FBXO8: variants seen among roughly 807,000 people sequenced by gnomAD.
FBXO8 encodes F-box only protein 8.
Under a neutral mutation model 33.4 loss-of-function variants are expected in FBXO8, and 15 were observed. The observed-to-expected ratio is 0.45, with a 90% confidence interval of 0.30 to 0.69. The LOEUF is 0.69. FBXO8 is among the 30% of genes least tolerant of loss of function. The pLI, the probability that FBXO8 is intolerant of heterozygous loss-of-function variation, is 0.08. For synonymous variants in FBXO8, 132 were observed against 131.5 expected, an observed-to-expected ratio of 1.00 and a Z score of -0.02; for missense variants, 274 against 380.3, an observed-to-expected ratio of 0.72 and a Z score of 2.32.
rs763984698 is a variant in FBXO8 at position 174,237,575 on chromosome 4, GA to G, written c.796del (p.Ser266LeufsTer2). ...SPDAVYVLCY[S>X]LILLSIDLTS... The stretch of plus-strand genomic sequence containing the variant: ...GAGGTCAATGGAAAGTAGAATCAAA[GA>G]GTAGCACAGTACATAGACAGCATCT... On this transcript the variant is annotated frameshift_variant, in exon 6 of 6. Transcript: ENST00000393674. LOFTEE classifies it high-confidence loss of function. The surrounding 1 kb of genome is among the most constrained non-coding windows in gnomAD (Gnocchi z 4.4). 10 of 1,613,188 alleles carry G rather than the reference GA, an allele frequency of 6.2e-6. No individual in the cohort carries two copies. Among genetic ancestry groups the G allele is most frequent in the Non-Finnish European group, 8.5e-6 (10 of 1,179,490 alleles).
At chr4:174,249,837 C>CAT (rs1423213685) in intron 3 of FBXO8, among the ~76,000 whole-genome samples, 1 of 151,876 alleles carries the variant, frequency 6.6e-6, no homozygotes, top group Non-Finnish European at 1.5e-5. Context: ...CAAAAGATTG[C>CAT]ATATACATGT....
intron 1 of FBXO8, among the ~76,000 whole-genome samples, chr4:174,269,714 C>T (rs1324611289): frequency 5.3e-5 from 8 of 150,462 alleles, no homozygotes; most frequent in African/African-American, 1.9e-4. Context: ...AAAATGAATA[C>T]TTACAACTGA....
At chr4:174,240,642 C>G (rs1736014644) in intron 4 of FBXO8, among the ~76,000 whole-genome samples, 1 of 151,676 alleles carries the variant, frequency 6.6e-6, no homozygotes, top group Admixed American at 6.6e-5. Flanking sequence ...TTGAACATAA[C>G]ATTTCTATAT....
chr4:174,251,134 T>C lies in FBXO8; in HGVS notation c.456+8565A>G, dbSNP rs1001394031. Among the ~76,000 whole-genome samples, 1 of 152,196 alleles carries C rather than the reference T, an allele frequency of 6.6e-6. No homozygotes were observed. Among genetic ancestry groups the C allele is most frequent in the African/African-American group, 2.4e-5 (1 of 41,468 alleles). On this transcript the variant is annotated intron_variant, in intron 3 of 5. Coordinates refer to ENST00000393674, the MANE Select transcript of FBXO8 (RefSeq NM_012180.3). The surrounding 1 kb of genome is among the most constrained non-coding windows in gnomAD (Gnocchi z 4.2). ...TTCATTGTAGCATATCATATTTTAA[T>C]ATTAAAAATTTAAAAATGTATCCTA...
rs1480070265 is a variant in FBXO8, at chr4:174,281,415, G to C, written c.-9+1995C>G. Among the ~76,000 whole-genome samples the C allele has an allele frequency of 1.3e-5, 2 of 152,158 alleles. No individual in the cohort carries two copies. Among genetic ancestry groups the C allele is most frequent in the Non-Finnish European group, 2.9e-5 (2 of 68,028 alleles). ...TATCTTATATTGCTATAAAGTACTT[G>C]CACCAGCACAGTGGCTCACACCTAT... On this transcript the variant is annotated intron_variant, in intron 1 of 5. Coordinates refer to ENST00000393674, the MANE Select transcript of FBXO8 (RefSeq NM_012180.3). This position sits in a 1 kb window ranked among gnomAD's most constrained non-coding sequence, Gnocchi z 4.6.
At chr4:174,269,328 A>T (rs569484432) in intron 1 of FBXO8, among the ~76,000 whole-genome samples, 2 of 152,306 alleles carry the variant, frequency 1.3e-5, no homozygotes, top group South Asian at 4.1e-4. Context: ...AAACAAAAAA[A>T]AAAATGGGGG....
chr4:174,246,091 G>A (rs985516619), intron 3 of FBXO8, among the ~76,000 whole-genome samples: 3 of 151,910 alleles, frequency 2.0e-5, no homozygotes, highest in Non-Finnish European at 4.4e-5. Context: ...GGATAAGAAG[G>A]ATTAGTAAGG....
chr4:174,258,196 G>A (rs1579027837), intron 3 of FBXO8, among the ~76,000 whole-genome samples: 1 of 152,256 alleles, frequency 6.6e-6, no homozygotes, highest in East Asian at 1.9e-4. Context: ...GTATGCCACA[G>A]TGCAGGATAA....
intron 1 of FBXO8, among the ~76,000 whole-genome samples, chr4:174,268,501 C>T (rs1178171448): frequency 6.6e-6 from 1 of 152,080 alleles, no homozygotes; most frequent in Non-Finnish European, 1.5e-5. Flanking sequence ...GGCGCGATCT[C>T]GGCTCACTGC....
At chr4:174,268,641 T>C (rs1404614461) in intron 1 of FBXO8, among the ~76,000 whole-genome samples, 7 of 152,156 alleles carry the variant, frequency 4.6e-5, no homozygotes, top group Non-Finnish European at 7.3e-5. Flanking sequence ...TTTCACCGTG[T>C]TAGCCAGGAT....
At chr4:174,266,303 T>C (rs1464590193) in intron 1 of FBXO8, among the ~76,000 whole-genome samples, 1 of 152,138 alleles carries the variant, frequency 6.6e-6, no homozygotes, top group Non-Finnish European at 1.5e-5. Context: ...GTATACATAG[T>C]TCAGACAAAG....
At chr4:174,266,734 C>T (rs139753026) in intron 1 of FBXO8, among the ~76,000 whole-genome samples, 13 of 152,210 alleles carry the variant, frequency 8.5e-5, no homozygotes, top group African/African-American at 3.1e-4. Flanking sequence ...TACTTGACTA[C>T]TCTGAGCTTT....
chr4:174,270,819 T>C lies in FBXO8; in HGVS notation c.-8-7719A>G, dbSNP rs1736821888. 6.6e-6 allele frequency among the ~76,000 whole-genome samples: 1 copy of C among 152,098 alleles called. No homozygotes were observed. Among genetic ancestry groups the C allele is most frequent in the African/African-American group, 2.4e-5 (1 of 41,400 alleles). ...TTAGTAGAGACGGAGTTTCACCATG[T>C]TGGCCAGGATGGTCTACGAACTCCT... On this transcript the variant is annotated intron_variant, in intron 1 of 5. Transcript: ENST00000393674. This position sits in a 1 kb window ranked among gnomAD's most constrained non-coding sequence, Gnocchi z 4.6.
At chr4:174,244,831 G>C (rs780589613) in intron 3 of FBXO8, among the ~76,000 whole-genome samples, 19 of 151,516 alleles carry the variant, frequency 1.3e-4, no homozygotes, top group Non-Finnish European at 2.8e-4. Context: ...ATATTTCTTG[G>C]GAAAATAAAC....
In FBXO8 at chr4:174,274,753, T is replaced by C. The variant is rs756722743; in HGVS notation, c.-9+8657A>G. 6.6e-6 allele frequency among the ~76,000 whole-genome samples: 1 copy of C among 152,198 alleles called. No homozygotes were observed. Among genetic ancestry groups the C allele is most frequent in the Non-Finnish European group, 1.5e-5 (1 of 68,034 alleles). On this transcript the variant is annotated intron_variant, in intron 1 of 5. Coordinates refer to ENST00000393674, the MANE Select transcript of FBXO8 (RefSeq NM_012180.3). The surrounding 1 kb of genome is among the most constrained non-coding windows in gnomAD (Gnocchi z 4.0). ...TAGTAAGCACTGATTTTAAAAAAAATGAATTACATGAACCTTGACCTAAAC... is the reference window on the plus strand; with the variant it reads ...TAGTAAGCACTGATTTTAAAAAAAACGAATTACATGAACCTTGACCTAAAC...
intron 3 of FBXO8, among the ~76,000 whole-genome samples, chr4:174,258,190 G>A (rs1377080817): frequency 6.6e-6 from 1 of 152,134 alleles, no homozygotes; most frequent in Non-Finnish European, 1.5e-5. Context: ...GAGCAGGTAT[G>A]CCACAGTGCA....
chr4:174,283,546 A>G lies in FBXO8; in HGVS notation c.-145T>C, dbSNP rs1737200410. 1 of 209,952 alleles carries G rather than the reference A, an allele frequency of 4.8e-6. No individual in the cohort carries two copies. The highest frequency in any genetic ancestry group is 9.4e-6 in the Non-Finnish European group (1 of 106,772). 13.0% of individuals were successfully genotyped at this position (209,952 alleles called of 1,614,324 possible). Reference sequence around the variant, plus strand: ...GCTGATTCAAACTTTACTTGTCCACACCGGTAGAGGTGACCGCGATGAGAA... The same window carrying G: ...GCTGATTCAAACTTTACTTGTCCACGCCGGTAGAGGTGACCGCGATGAGAA... On this transcript the variant is annotated 5_prime_UTR_variant, in exon 1 of 6. Transcript: ENST00000393674. This position sits in a 1 kb window ranked among gnomAD's most constrained non-coding sequence, Gnocchi z 6.7.
At chr4:174,268,530 A>C (rs1736749704) in intron 1 of FBXO8, among the ~76,000 whole-genome samples, 1 of 151,952 alleles carries the variant, frequency 6.6e-6, no homozygotes, top group South Asian at 2.1e-4. Flanking sequence ...CCTCCCTCCC[A>C]GTTTCTCGCC....
In FBXO8 at chr4:174,259,813, G is replaced by A. The variant is rs1338474858; in HGVS notation, c.342C>T (p.Ser114=). ...TGTATATGGAACAGTGACCCCAAGTGGATTTGCACAACCTATAAAATCAGA... is the reference window on the plus strand; with the variant it reads ...TGTATATGGAACAGTGACCCCAAGTAGATTTGCACAACCTATAAAATCAGA... ...DELLWQGLCK[S]TWGHCSIYNK... Residue 114 remains serine (S), a synonymous_variant, in exon 3 of 6, where the codon TCC becomes TCT. Transcript: ENST00000393674. The surrounding 1 kb of genome is among the most constrained non-coding windows in gnomAD (Gnocchi z 4.3). 1 of 1,587,614 alleles carries A rather than the reference G, an allele frequency of 6.3e-7. No individual in the cohort carries two copies. Among genetic ancestry groups the A allele is most frequent in the South Asian group, 1.2e-5 (1 of 85,588 alleles).
Sources: gnomAD v4.1 joint callset for allele counts (sites outside exome capture counted in the v4.1 genomes callset) on GRCh38, gnomAD v4.1.1 for gene constraint, Gnocchi (gnomAD v3.1) non-coding constraint, MANE v1.5 for transcripts, NCBI Gene and HGNC (gene_info 2026-07-23, HGNC 2026-07-21) for gene names.